The following SCUBE1 variants were observed in gnomAD, a reference collection of about 807,000 sequenced individuals.
The protein encoded by SCUBE1 is signal peptide, CUB and EGF-like domain-containing protein 1.
A neutral mutation model predicts 124.4 loss-of-function variants in SCUBE1; 59 were observed. That is an observed-to-expected ratio of 0.47 (90% CI 0.38 to 0.59). The LOEUF (loss-of-function observed/expected upper bound fraction) is 0.59. SCUBE1 is among the 20% of genes least tolerant of loss of function. SCUBE1 has a pLI of 0.00. For synonymous variants in SCUBE1, 545 were observed against 550.9 expected (o/e 0.99, Z 0.15); for missense variants, 1,150 against 1,371.2 (o/e 0.84, Z 2.55).
intron 2 of SCUBE1, among the ~76,000 whole-genome samples, chr22:43,330,724 T>C (rs893649106): frequency 1.1e-4 from 17 of 152,236 alleles, no homozygotes; most frequent in Non-Finnish European, 2.4e-4. Context: ...CTAAAAGTGG[T>C]CATTGGCTCC....
At position 43,258,360 on chromosome 22, in the gene SCUBE1, C is replaced by T. The variant is rs763853312; in HGVS notation, c.611-25G>A. 22 of 1,521,190 alleles carry T rather than the reference C, an allele frequency of 1.4e-5. No homozygotes were observed. Among genetic ancestry groups the T allele is most frequent in the East Asian group, 1.1e-4 (5 of 44,466 alleles). The allele number at this position is 1,521,190 out of a possible 1,614,324, so 94.2% of individuals were successfully genotyped here. A position where few individuals can be genotyped will look rare whatever the true frequency, so the allele number is the denominator to read the frequency against. On this transcript the variant is annotated intron_variant, in intron 5 of 21. Transcript: ENST00000360835. The surrounding 1 kb of genome is among the most constrained non-coding windows in gnomAD (Gnocchi z 5.0). ...ACTAGTTAGGCCCAAAGTGTACACA[C>T]GGGTGTATAAACAGAACAACAAAAA...
In SCUBE1 at chr22:43,249,263, C is replaced by T. The variant is rs537824747; in HGVS notation, c.727+8956G>A. ...ATAGATTGGTGAAATCAGGGACACC[C>T]GGGACCCTGGAGATGGTCGCTGCAG... On this transcript the variant is annotated intron_variant, in intron 6 of 21. Coordinates refer to ENST00000360835, the MANE Select transcript of SCUBE1 (RefSeq NM_173050.5). 5.4e-5 allele frequency among the ~76,000 whole-genome samples: 7 copies of T among 129,562 alleles called. No homozygotes were observed. The South Asian group carries it at 1.4e-3, about 26-fold the overall frequency. The allele number at this position is 129,562 out of a possible 152,430, so 85.0% of individuals were successfully genotyped here.
chr22:43,226,144 C>G (rs1922293027), intron 10 of SCUBE1, among the ~76,000 whole-genome samples: 1 of 152,114 alleles, frequency 6.6e-6, no homozygotes, highest in Non-Finnish European at 1.5e-5. Context: ...TGCTGGGGCT[C>G]TAGCAGTAAA....
intron 4 of SCUBE1, chr22:43,283,560 C>T (rs1344040978): frequency 1.3e-5 from 2 of 152,228 alleles, no homozygotes; most frequent in Non-Finnish European, 2.9e-5. Context: ...TTCATTCTCA[C>T]AAGTGTACTG....
At chr22:43,220,356 G>A in intron 14 of SCUBE1, 94 bp downstream of exon 14, 1 of 1,411,614 alleles carries the variant, frequency 7.1e-7, no homozygotes, top group Non-Finnish European at 9.8e-7. Context: ...TCTGGTGGGA[G>A]CCTAGCTTCA....
At position 43,210,590 on chromosome 22, in the gene SCUBE1, G is replaced by T. The variant is rs1203344749; in HGVS notation, c.2383+332C>A. 1.3e-5 allele frequency among the ~76,000 whole-genome samples: 2 copies of T among 152,350 alleles called. No homozygotes were observed. The highest frequency in any genetic ancestry group is 4.8e-5 in the African/African-American group (2 of 41,590). ...CCTGCTCTCTCTAGAGGCCCTGTCAGTGCCCCTGTAGGCTGTCAGCCCCCC... is the reference window on the plus strand; with the variant it reads ...CCTGCTCTCTCTAGAGGCCCTGTCATTGCCCCTGTAGGCTGTCAGCCCCCC... On this transcript the variant is annotated intron_variant, in intron 18 of 21. Transcript: ENST00000360835. This position sits in a 1 kb window ranked among gnomAD's most constrained non-coding sequence, Gnocchi z 4.5.
intron 4 of SCUBE1, among the ~76,000 whole-genome samples, chr22:43,269,670 G>A (rs915874956): frequency 1.3e-5 from 2 of 152,086 alleles, no homozygotes; most frequent in African/African-American, 4.8e-5. Flanking sequence ...TCCTCCCTTC[G>A]CCTCATCAAT....
At chr22:43,221,403 C>T in intron 12 of SCUBE1, 114 bp from the exon 13 acceptor site, 2 of 680,342 alleles carry the variant, frequency 2.9e-6, no homozygotes, top group Admixed American at 2.1e-5. Flanking sequence ...GGGGCTTGAT[C>T]TGAGTCCCTG....
chr22:43,218,165 G>A, intron 15 of SCUBE1, 90 bp downstream of exon 15: 1 of 1,268,458 alleles, frequency 7.9e-7, no homozygotes, highest in Non-Finnish European at 1.1e-6. Flanking sequence ...CCAGGTGTCT[G>A]TCTCACCTGC....
Position 43,258,906 on chromosome 22 carries a change from G to A in SCUBE1, c.611-571C>T, listed in dbSNP as rs1183236701. ...CCCTCAAAGCCCTAATCCTCCGGGAGCTCGGCAATGTCCGAACAGACAGAC... is the reference window on the plus strand; with the variant it reads ...CCCTCAAAGCCCTAATCCTCCGGGAACTCGGCAATGTCCGAACAGACAGAC... On this transcript the variant is annotated intron_variant, in intron 5 of 21. Coordinates refer to ENST00000360835, the MANE Select transcript of SCUBE1 (RefSeq NM_173050.5). The surrounding 1 kb of genome is among the most constrained non-coding windows in gnomAD (Gnocchi z 5.0). 6.6e-6 allele frequency among the ~76,000 whole-genome samples: 1 copy of A among 152,186 alleles called. No homozygotes were observed. Among genetic ancestry groups the A allele is most frequent in the African/African-American group, 2.4e-5 (1 of 41,454 alleles).
At position 43,208,161 on chromosome 22, in the gene SCUBE1, G is replaced by T. The variant is rs369640288; in HGVS notation, c.2645C>A (p.Thr882Asn). The T allele has an allele frequency of 2.5e-6, 4 of 1,613,998 alleles. No homozygotes were observed. The African/African-American group carries it at 5.3e-5, about 22-fold the overall frequency. Residue 882 changes from threonine (T) to asparagine (N), a missense_variant, in exon 20 of 22, where the codon ACC becomes AAC. Transcript: ENST00000360835. ...CQTYERPIAF[T>N]SRSRKLWIQF... ...GATCCAGAGCTTGCGGGAGCGGGAG[G>T]TGAAGGCGATGGGCCTCTCGTAGGT... is the stretch of plus-strand genomic sequence containing the variant.
intron 4 of SCUBE1, among the ~76,000 whole-genome samples, chr22:43,273,561 CTTTTTTTTTTT>C (rs1056252584): frequency 4.9e-5 from 3 of 60,972 alleles, no homozygotes; most frequent in Non-Finnish European, 8.8e-5. Flanking sequence ...CTAAAACCCT[CTTTTTTTTTTT>C]TTTTTTTTTT....
At chr22:43,341,375 A>C (rs1927311631) in intron 1 of SCUBE1, among the ~76,000 whole-genome samples, 1 of 152,162 alleles carries the variant, frequency 6.6e-6, no homozygotes, top group Non-Finnish European at 1.5e-5. Context: ...GAGAGGGCCC[A>C]TCTCCAGGCT....
intron 21 of SCUBE1, among the ~76,000 whole-genome samples, chr22:43,204,679 T>C (rs1921147179): frequency 6.6e-6 from 1 of 151,200 alleles, no homozygotes; most frequent in African/African-American, 2.4e-5. Flanking sequence ...GTGTGGTGGC[T>C]CACACCTGTA....
Position 43,218,310 on chromosome 22 carries a change from C to G in SCUBE1, c.1836G>C (p.Ala612=), listed in dbSNP as rs9620123. The G allele has an allele frequency of 0.19, 308,875 of 1,613,178 alleles. 38,409 individuals carry two copies. The highest frequency in any genetic ancestry group is 0.51 in the East Asian group (23,045 of 44,878). ...CGCCACATGCCCCCTGCCCCTCCAG[C>G]GCCTTGGCTGGCCTCTGGGCTACCT... ...EYEVAQRPAK[A]LEGQGACGAG... The change falls in exon 15 of 22, where the codon GCG becomes GCC. Residue 612 remains alanine, a synonymous_variant. Transcript: ENST00000360835.
intron 3 of SCUBE1, among the ~76,000 whole-genome samples, chr22:43,302,831 C>G (rs1925823735): frequency 1.3e-5 from 2 of 152,220 alleles, no homozygotes; most frequent in Non-Finnish European, 2.9e-5. Flanking sequence ...AAGCGAGAAG[C>G]TGTAAGGAAA....
intron 5 of SCUBE1, among the ~76,000 whole-genome samples, chr22:43,261,635 T>G (rs1312309850): frequency 2.1e-4 from 32 of 152,236 alleles, no homozygotes; most frequent in Non-Finnish European, 4.4e-5. Flanking sequence ...ACGGTCATTT[T>G]CTTTATGACA....
At position 43,310,745 on chromosome 22, in the gene SCUBE1, G is replaced by A. The variant is rs1926141189; in HGVS notation, c.349+9192C>T. ...GTAATAATTGTACATATTTGTGGGGGACATAGTGATTTTTCAATACACATT... is the reference window on the plus strand; with the variant it reads ...GTAATAATTGTACATATTTGTGGGGAACATAGTGATTTTTCAATACACATT... On this transcript the variant is annotated intron_variant, in intron 3 of 21. Transcript: ENST00000360835. Among the ~76,000 whole-genome samples, 3 of 152,186 alleles carry A rather than the reference G, an allele frequency of 2.0e-5. No homozygotes were observed. In the South Asian group the frequency reaches 6.2e-4, roughly 32 times the overall value.
intron 10 of SCUBE1, among the ~76,000 whole-genome samples, chr22:43,225,018 T>C (rs1922246715): frequency 6.6e-6 from 1 of 152,160 alleles, no homozygotes; most frequent in South Asian, 2.1e-4. Context: ...TCAAAACTAA[T>C]ACATTAATAT....
Sources: allele counts gnomAD v4.1 joint callset (sites outside exome capture counted in the v4.1 genomes callset), GRCh38; gene constraint gnomAD v4.1.1; non-coding constraint Gnocchi (gnomAD v3.1); transcripts MANE v1.5; gene names NCBI Gene and HGNC (gene_info 2026-07-23, HGNC 2026-07-21).